The following DYNC2H1 variants were observed in gnomAD, a reference collection of about 807,000 sequenced individuals.
The protein encoded by DYNC2H1 is dynein cytoplasmic 2 heavy chain 1, also known as cytoplasmic dynein 2 heavy chain 1.
A neutral mutation model predicts 570.0 loss-of-function variants in DYNC2H1; 410 were observed. The ratio of observed to expected loss-of-function variants is 0.72; its 90% confidence interval spans 0.66 to 0.78. DYNC2H1 has a LOEUF of 0.78. Among genes scored for constraint, DYNC2H1 ranks in the 30% least tolerant of loss-of-function variants. The probability of loss-of-function intolerance (pLI) is 0.00; values close to 1 mark genes in which losing one functional copy is unlikely to be tolerated. For synonymous variants in DYNC2H1, 1,688 were observed against 1,677.6 expected (o/e 1.01, Z -0.15); for missense variants, 4,865 against 5,046.4 (o/e 0.96, Z 1.09).
At chr11:103,122,242 C>T (rs1465585511) in intron 10 of DYNC2H1, among the ~76,000 whole-genome samples, 1 of 152,106 alleles carries the variant, frequency 6.6e-6, no homozygotes, top group Admixed American at 6.6e-5. Context: ...AGCAAGACCT[C>T]ATGGAATATT....
rs78386184 is a variant in DYNC2H1, at chr11:103,465,453, T to C, written c.12649-3136T>C. Among the ~76,000 whole-genome samples, 4,202 of 146,982 alleles carry C rather than the reference T, an allele frequency of 0.029. 121 individuals carry two copies. Among genetic ancestry groups the C allele is most frequent in the African/African-American group, 0.073 (2,933 of 40,048 alleles). ...TTTCAACCAGTATCCCAAAGTGTGT[T>C]TTGTTTTTTTTTTTAATCTGTGGCA... On this transcript the variant is annotated intron_variant, in intron 87 of 88. Transcript: ENST00000375735. The surrounding 1 kb of genome is among the most constrained non-coding windows in gnomAD (Gnocchi z 4.9).
Position 103,203,582 on chromosome 11 carries a change from T to C in DYNC2H1, c.8198-81T>C. 2.3e-6 allele frequency: 2 copies of C among 863,954 alleles called. No individual in the cohort carries two copies. Among genetic ancestry groups the C allele is most frequent in the Non-Finnish European group, 3.5e-6 (2 of 575,674 alleles). 53.5% of individuals were successfully genotyped at this position (863,954 alleles called of 1,614,324 possible). A position where few individuals can be genotyped will look rare whatever the true frequency, so the allele number is the denominator to read the frequency against. ...TATATTTTTGGAAATAAAGATTGAA[T>C]AAGAGCAGATTTTTAAATACAAAAA... On this transcript the variant is annotated intron_variant, in intron 50 of 88. Transcript: ENST00000375735. This position sits in a 1 kb window ranked among gnomAD's most constrained non-coding sequence, Gnocchi z 4.7.
At chr11:103,335,356 G>A (rs934181864) in intron 82 of DYNC2H1, among the ~76,000 whole-genome samples, 4 of 152,004 alleles carry the variant, frequency 2.6e-5, no homozygotes, top group African/African-American at 9.7e-5. Flanking sequence ...GCCTGCCCTG[G>A]TTTATATGGA....
At chr11:103,396,416 A>G (rs1942396851) in intron 83 of DYNC2H1, among the ~76,000 whole-genome samples, 1 of 152,228 alleles carries the variant, frequency 6.6e-6, no homozygotes, top group Admixed American at 6.5e-5. Context: ...AGTAGTTGCA[A>G]CAGAGACCTT....
chr11:103,458,254 C>T (rs1203844989), intron 87 of DYNC2H1, among the ~76,000 whole-genome samples: 2 of 152,120 alleles, frequency 1.3e-5, no homozygotes, highest in Admixed American at 1.3e-4. Context: ...CAGTTGCCTA[C>T]AGTATTCAGC....
intron 70 of DYNC2H1, among the ~76,000 whole-genome samples, chr11:103,279,047 G>C (rs965781524): frequency 6.6e-6 from 1 of 152,118 alleles, no homozygotes; most frequent in Admixed American, 6.6e-5. Context: ...AAACAAGTTC[G>C]TTTATTTCCA....
chr11:103,370,949 A>G (rs995046394), intron 83 of DYNC2H1, among the ~76,000 whole-genome samples: 1 of 152,136 alleles, frequency 6.6e-6, no homozygotes, highest in Non-Finnish European at 1.5e-5. Flanking sequence ...CCAGGAAAAC[A>G]TGACCTCACA....
At chr11:103,355,198 C>T (rs961402746) in intron 82 of DYNC2H1, among the ~76,000 whole-genome samples, 2 of 151,736 alleles carry the variant, frequency 1.3e-5, no homozygotes, top group African/African-American at 2.4e-5. Flanking sequence ...TTGAAATGTG[C>T]TTTATCATAA....
chr11:103,219,277 C>T (rs549120144), intron 55 of DYNC2H1, among the ~76,000 whole-genome samples: 3 of 152,244 alleles, frequency 2.0e-5, no homozygotes, highest in Non-Finnish European at 4.4e-5. Context: ...TGTTCAACCT[C>T]ATCAATAATC....
chr11:103,286,310 G>T lies in DYNC2H1; in HGVS notation c.10946G>T (p.Arg3649Leu), dbSNP rs753691638. 2 of 1,613,672 alleles carry T rather than the reference G, an allele frequency of 1.2e-6. No homozygotes were observed. The highest frequency in any genetic ancestry group is 1.7e-5 in the Admixed American group (1 of 60,008). The part of the protein sequence containing the change: ...TLCFEDAALW[R>L]TYYNNSMCEQ... The stretch of plus-strand genomic sequence containing the variant: ...TGCTTTGAAGATGCAGCTCTGTGGC[G>T]TACTTATTATAATAATTCAATGTGT... The change falls in exon 74 of 89, where the codon CGT (arginine) becomes CTT (leucine). Residue 3649 changes from arginine to leucine, a missense_variant. Coordinates refer to ENST00000375735, the MANE Select transcript of DYNC2H1 (RefSeq NM_001377.3).
chr11:103,427,664 A>C (rs1463528604), intron 84 of DYNC2H1, among the ~76,000 whole-genome samples: 1 of 152,006 alleles, frequency 6.6e-6, no homozygotes, highest in Non-Finnish European at 1.5e-5. Flanking sequence ...GTATCTTCAC[A>C]CTGTGGAGGG....
chr11:103,201,392 G>A lies in DYNC2H1; in HGVS notation c.8197+1238G>A, dbSNP rs1862713470. Reference sequence around the variant, plus strand: ...CATTTTGCCTCTGAGATAAGTTCGAGTCTTGTTTTTCCTCTGAGATATAAC... The same window carrying A: ...CATTTTGCCTCTGAGATAAGTTCGAATCTTGTTTTTCCTCTGAGATATAAC... On this transcript the variant is annotated intron_variant, in intron 50 of 88. Transcript: ENST00000375735. This position sits in a 1 kb window ranked among gnomAD's most constrained non-coding sequence, Gnocchi z 4.8. Among the ~76,000 whole-genome samples, 2 of 152,014 alleles carry A rather than the reference G, an allele frequency of 1.3e-5. No homozygotes were observed.
rs7949362 is a variant in DYNC2H1 at position 103,166,104 on chromosome 11, A to G, written c.4762+56A>G. 5,093 of 1,406,668 alleles carry G rather than the reference A, an allele frequency of 3.6e-3. 146 individuals are homozygous for G. The African/African-American group carries it at 0.062, about 17-fold the overall frequency. The allele number at this position is 1,406,668 out of a possible 1,614,324, so 87.1% of individuals were successfully genotyped here. A position where few individuals can be genotyped will look rare whatever the true frequency, so the allele number is the denominator to read the frequency against. On this transcript the variant is annotated intron_variant, in intron 31 of 88. Coordinates refer to ENST00000375735, the MANE Select transcript of DYNC2H1 (RefSeq NM_001377.3). ...GTTTTGGGTTATTTTTTGGTATTCT[A>G]TCCTAATTTACCTATTGTGTTTTTG...
At chr11:103,178,741 A>G (rs17100027) in intron 38 of DYNC2H1, among the ~76,000 whole-genome samples, 114 of 152,188 alleles carry the variant, frequency 7.5e-4, no homozygotes, top group African/African-American at 2.7e-3. Flanking sequence ...CATTCTCATA[A>G]CATAGTAGAA....
chr11:103,134,516 C>G, intron 15 of DYNC2H1, 97 bp downstream of exon 15: 1 of 856,172 alleles, frequency 1.2e-6, no homozygotes, highest in Non-Finnish European at 1.7e-6. Flanking sequence ...TAAAAGTTAT[C>G]TTTAAATCTT....
intron 83 of DYNC2H1, among the ~76,000 whole-genome samples, chr11:103,387,988 CT>C (rs1292110734): frequency 6.6e-6 from 1 of 152,088 alleles, no homozygotes; most frequent in Non-Finnish European, 1.5e-5. Flanking sequence ...AATGCAGGCT[CT>C]TTTTTGGTTC....
intron 84 of DYNC2H1, among the ~76,000 whole-genome samples, chr11:103,411,704 T>TTTTC: frequency 6.6e-6 from 1 of 152,160 alleles, no homozygotes; most frequent in East Asian, 1.9e-4. Context: ...TTTTTATATT[T>TTTTC]TTTCTTTCTT....
intron 82 of DYNC2H1, among the ~76,000 whole-genome samples, chr11:103,357,170 C>T (rs189205488): frequency 6.6e-6 from 1 of 151,984 alleles, no homozygotes; most frequent in African/African-American, 2.4e-5. Context: ...TATTCTCGAT[C>T]ATTAACAAAT....
intron 82 of DYNC2H1, among the ~76,000 whole-genome samples, chr11:103,341,333 C>A (rs577636272): frequency 3.0e-4 from 46 of 152,270 alleles, no homozygotes; most frequent in African/African-American, 9.1e-4. Flanking sequence ...TTCTTCCCCC[C>A]CTTTTAAAAT....
Sources: gnomAD v4.1 joint callset for allele counts (sites outside exome capture counted in the v4.1 genomes callset) on GRCh38, gnomAD v4.1.1 for gene constraint, Gnocchi (gnomAD v3.1) non-coding constraint, MANE v1.5 for transcripts, NCBI Gene and HGNC (gene_info 2026-07-23, HGNC 2026-07-21) for gene names.